Variants in DBR1 observed in about 807,000 individuals in gnomAD.
DBR1 encodes the protein debranching RNA lariats 1, also known as lariat debranching enzyme.
DBR1 carries 33 observed loss-of-function variants against 45.9 expected under a neutral mutation model. That is an observed-to-expected ratio of 0.72 (90% confidence interval 0.55 to 0.96). The LOEUF is 0.96. DBR1 is among the 40% of genes least tolerant of loss of function. The probability of loss-of-function intolerance (pLI) is 0.00; values close to 1 mark genes in which losing one functional copy is unlikely to be tolerated. For synonymous variants in DBR1, 235 were observed against 235.9 expected (o/e 1.00, Z 0.04); for missense variants, 619 against 667.4 (o/e 0.93, Z 0.80).
At position 138,173,527 on chromosome 3, in the gene DBR1, C is replaced by T. The variant is rs544573434; in HGVS notation, c.297G>A (p.Trp99Ter). The part of the protein sequence containing the change: ...NHLQELPYGG[W>*]VAPNIYYLGL... ...CTAAATAATAAATGTTTGGTGCCAC[C>T]CAGCCACCATAGGGTAACTCTTGCA... Residue 99 changes from tryptophan (W) to a stop codon, truncating the protein, a stop_gained, in exon 2 of 8, where the codon TGG becomes TGA. Transcript: ENST00000260803. LOFTEE classifies it high-confidence loss of function. 1.3e-5 allele frequency: 21 copies of T among 1,613,796 alleles called. No individual in the cohort carries two copies. Among genetic ancestry groups the T allele is most frequent in the African/African-American group, 2.7e-5 (2 of 74,866 alleles).
rs759457997 is a variant in DBR1, at chr3:138,162,355, T to C, written c.1169A>G (p.His390Arg). Residue 390 changes from histidine to arginine, a missense_variant, in exon 8 of 8, where the codon CAT becomes CGT. Physicochemically the swap from His to Arg is conservative, Grantham distance 29. Transcript: ENST00000260803. Reference sequence around the variant, plus strand: ...TTCTTCATATTCACCACACACATGATGTTCTTCCTTGGACTTCTGAAGCCT... The same window carrying C: ...TTCTTCATATTCACCACACACATGACGTTCTTCCTTGGACTTCTGAAGCCT... ...NVRLQKSKEE[H>R]HVCGEYEEQD... 1.2e-6 allele frequency: 2 copies of C among 1,614,208 alleles called. No individual in the cohort carries two copies. The highest frequency in any genetic ancestry group is 2.2e-5 in the South Asian group (2 of 91,090).
In DBR1 at chr3:138,162,475, G is replaced by A; in HGVS notation, c.1049C>T (p.Pro350Leu). The A allele has an allele frequency of 3.7e-6, 6 of 1,614,074 alleles. No individual in the cohort carries two copies. The highest frequency in any genetic ancestry group is 5.1e-6 in the Non-Finnish European group (6 of 1,179,986). Residue 350 changes from proline to leucine, a missense_variant, in exon 8 of 8, where the codon CCT becomes CTT. By Grantham distance (98) the Pro-to-Leu change is moderately conservative. Around this residue, in one of 3 missense-constraint regions of DBR1, gnomAD observed 430 missense variants for 447.7 expected, o/e 0.96. Transcript: ENST00000260803. ...NFSVTAACYD[P>L]SKPQTQMQLI... ...CTGCATTTGTGTCTGTGGCTTGCTA[G>A]GATCATAACAAGCAGCTGTTACACT...
rs2042965077 is a variant in DBR1, at chr3:138,173,620, G to A, written c.204C>T (p.Tyr68=). The change falls in exon 2 of 8, where the codon TAC becomes TAT. Residue 68 remains tyrosine (Y), a synonymous_variant. Coordinates refer to ENST00000260803, the MANE Select transcript of DBR1 (RefSeq NM_016216.4). Reference sequence around the variant, plus strand: ...GAACTGGAGCCTTTTTCTCTCCAGAGTAATACCTAGAACATAAGAGCAAAG... The same window carrying A: ...GAACTGGAGCCTTTTTCTCTCCAGAATAATACCTAGAACATAAGAGCAAAG... ...YRHMQTFYRY[Y]SGEKKAPVLT... The A allele has an allele frequency of 1.2e-6, 2 of 1,611,402 alleles. No individual in the cohort carries two copies. Among genetic ancestry groups the A allele is most frequent in the African/African-American group, 2.7e-5 (2 of 74,740 alleles).
At chr3:138,165,610 T>C (rs1268339876) in intron 5 of DBR1, among the ~76,000 whole-genome samples, 2 of 152,050 alleles carry the variant, frequency 1.3e-5, no homozygotes, top group African/African-American at 4.8e-5. Flanking sequence ...GCGCCTGTAG[T>C]CCCAGCTACT....
At position 138,162,401 on chromosome 3, in the gene DBR1, CAA is replaced by C; in HGVS notation, c.1121_1122del (p.Leu374ArgfsTer8). 6.2e-7 allele frequency: 1 copy of C among 1,614,054 alleles called. No homozygotes were observed. The highest frequency in any genetic ancestry group is 8.5e-7 in the Non-Finnish European group (1 of 1,180,028). On this transcript the variant is annotated frameshift_variant, in exon 8 of 8. Coordinates refer to ENST00000260803, the MANE Select transcript of DBR1 (RefSeq NM_016216.4). LOFTEE classifies it high-confidence loss of function. ...NPQTTEFCAQ[L>X]GIIDINVRLQ... is the part of the protein sequence containing the mutation. ...AGCCTAACATTGATGTCTATGATGC[CAA>C]GTTGGGCACAAAATTCAGTTGTCTG...
At chr3:138,163,226 C>T in intron 7 of DBR1, 123 bp downstream of exon 7, 2 of 950,954 alleles carry the variant, frequency 2.1e-6, no homozygotes, top group South Asian at 1.9e-5. Context: ...AAGATCACAC[C>T]ACTGCAGTCC....
In DBR1 at chr3:138,162,254, T is replaced by C. The variant is rs778042105; in HGVS notation, c.1270A>G (p.Ile424Val). Reference sequence around the variant, plus strand: ...TCTAACATTATTTCATCTGGATTAATAGAAGACAGAGCAGATGTGTCTGTA... The same window carrying C: ...TCTAACATTATTTCATCTGGATTAACAGAAGACAGAGCAGATGTGTCTGTA... ...YNTDTSALSS[I>V]NPDEIMLDEE... Residue 424 changes from isoleucine (I) to valine (V), a missense_variant, in exon 8 of 8, where the codon ATT becomes GTT. Around this residue, in one of 3 missense-constraint regions of DBR1, gnomAD observed 182 missense variants for 196.1 expected, o/e 0.93. Coordinates refer to ENST00000260803, the MANE Select transcript of DBR1 (RefSeq NM_016216.4). 2.5e-5 allele frequency: 41 copies of C among 1,614,068 alleles called. No homozygotes were observed. The highest frequency in any genetic ancestry group is 1.1e-4 in the African/African-American group (8 of 74,948).
At position 138,174,466 on chromosome 3, in the gene DBR1, C is replaced by T. The variant is rs567655206; in HGVS notation, c.197+133G>A. 6 of 928,506 alleles carry T rather than the reference C, an allele frequency of 6.5e-6. No individual in the cohort carries two copies. The African/African-American group carries it at 9.9e-5, about 15-fold the overall frequency. The allele number at this position is 928,506 out of a possible 1,614,324, so 57.5% of individuals were successfully genotyped here. On this transcript the variant is annotated intron_variant, in intron 1 of 7. Coordinates refer to ENST00000260803, the MANE Select transcript of DBR1 (RefSeq NM_016216.4). ...TTTCCCGCCTCCCACTACCTCACCC[C>T]TGTATTCAGTTAGGCACCAATTAGA...
chr3:138,169,378 A>G (rs2042944678), intron 4 of DBR1, among the ~76,000 whole-genome samples: 1 of 152,222 alleles, frequency 6.6e-6, no homozygotes, highest in South Asian at 2.1e-4. Flanking sequence ...TCTGCAATTA[A>G]GCAGTGTTTC....
intron 1 of DBR1, among the ~76,000 whole-genome samples, chr3:138,174,288 G>C (rs950148853): frequency 6.6e-6 from 1 of 152,112 alleles, no homozygotes; most frequent in African/African-American, 2.4e-5. Context: ...CTTCCTCCAG[G>C]TTATCCCCTC....
At chr3:138,171,288 C>T (rs2042952550) in intron 3 of DBR1, 2 of 169,278 alleles carry the variant, frequency 1.2e-5, no homozygotes, top group Non-Finnish European at 2.5e-5. Context: ...GCCTGACCAA[C>T]ATGGTGAAAC....
chr3:138,173,553 A>G lies in DBR1; in HGVS notation c.271T>C (p.Leu91=), dbSNP rs1363045099. The G allele has an allele frequency of 1.2e-6, 2 of 1,614,002 alleles. No homozygotes were observed. The highest frequency in any genetic ancestry group is 1.7e-6 in the Non-Finnish European group (2 of 1,179,916). ...IGGNHEASNH[L]QELPYGGWVA... is the part of the protein sequence containing the mutation. ...CAGCCACCATAGGGTAACTCTTGCA[A>G]ATGATTTGAGGCTTCATGGTTTCCC... Residue 91 remains leucine (L), a synonymous_variant, in exon 2 of 8, where the codon TTG becomes CTG. Coordinates refer to ENST00000260803, the MANE Select transcript of DBR1 (RefSeq NM_016216.4).
intron 3 of DBR1, 148 bp downstream of exon 3, chr3:138,171,485 A>G: frequency 3.2e-6 from 1 of 310,596 alleles, no homozygotes; most frequent in Non-Finnish European, 6.0e-6. Flanking sequence ...CAAAAAAAAA[A>G]AAAAAAAAAA....
chr3:138,161,794 C>T lies in DBR1; in HGVS notation c.*95G>A, dbSNP rs1481351302. On this transcript the variant is annotated 3_prime_UTR_variant, in exon 8 of 8. Transcript: ENST00000260803. The stretch of plus-strand genomic sequence containing the variant: ...CTGGGAGGCGGAGGTTGCGGTGAGC[C>T]GAGATCACGCCATTGCACTCCAGTC... 1.4e-5 allele frequency: 14 copies of T among 1,011,028 alleles called. No homozygotes were observed. Among genetic ancestry groups the T allele is most frequent in the African/African-American group, 3.2e-5 (2 of 62,962 alleles). The allele number at this position is 1,011,028 out of a possible 1,614,324, so 62.6% of individuals were successfully genotyped here. A position where few individuals can be genotyped will look rare whatever the true frequency, so the allele number is the denominator to read the frequency against.
At chr3:138,172,161 A>G (rs2042958241) in intron 2 of DBR1, among the ~76,000 whole-genome samples, 1 of 152,256 alleles carries the variant, frequency 6.6e-6, no homozygotes, top group Non-Finnish European at 1.5e-5. Flanking sequence ...CTTCTTCACA[A>G]TATTGTAATA....
In DBR1 at chr3:138,161,969, G is replaced by T; in HGVS notation, c.1555C>A (p.Pro519Thr). Residue 519 changes from proline (P) to threonine (T), a missense_variant, in exon 8 of 8, where the codon CCT becomes ACT. Coordinates refer to ENST00000260803, the MANE Select transcript of DBR1 (RefSeq NM_016216.4). ...PLKRLSDEHE[P>T]EQRKKIKRRN... ...CTCTTAATTTTCTTTCTTTGTTCAGGTTCATGTTCATCACTCAGCCTCTTC... is the reference window on the plus strand; with the variant it reads ...CTCTTAATTTTCTTTCTTTGTTCAGTTTCATGTTCATCACTCAGCCTCTTC... 1.2e-6 allele frequency: 2 copies of T among 1,614,050 alleles called. No individual in the cohort carries two copies. The highest frequency in any genetic ancestry group is 1.7e-6 in the Non-Finnish European group (2 of 1,180,016).
At chr3:138,173,417 T>G (rs1331504239) in intron 2 of DBR1, 85 bp downstream of exon 2, 12 of 1,391,066 alleles carry the variant, frequency 8.6e-6, no homozygotes, top group Admixed American at 1.8e-5. Context: ...ACACCATACA[T>G]GTCAAGACAC....
At chr3:138,171,777 C>A in intron 2 of DBR1, 64 bp from the exon 3 acceptor site, 2 of 1,182,492 alleles carry the variant, frequency 1.7e-6, no homozygotes, top group Non-Finnish European at 2.5e-6. Flanking sequence ...ACTGAATAAA[C>A]CATTCCATTT....
intron 6 of DBR1, 30 bp from the exon 7 acceptor site, chr3:138,163,524 C>CAT: frequency 1.4e-6 from 2 of 1,403,156 alleles, no homozygotes; most frequent in Non-Finnish European, 1.9e-6. Context: ...TTAAGAAATA[C>CAT]ATATATATTT....
Sources: allele counts gnomAD v4.1 joint callset (sites outside exome capture counted in the v4.1 genomes callset), GRCh38; gene constraint gnomAD v4.1.1; regional missense constraint gnomAD v4.1.1; transcripts MANE v1.5; gene names NCBI Gene and HGNC (gene_info 2026-07-23, HGNC 2026-07-21).